The following EPG5 variants were observed in gnomAD, a reference collection of about 807,000 sequenced individuals.
EPG5 encodes ectopic P granules protein 5 homolog.
EPG5 carries 159 observed loss-of-function variants against 302.7 expected under a neutral mutation model. The ratio of observed to expected loss-of-function variants is 0.53; its 90% confidence interval spans 0.46 to 0.60. The LOEUF (loss-of-function observed/expected upper bound fraction) is 0.60. Ranked by LOEUF, EPG5 falls within the 20% of genes least tolerant of loss-of-function variation. The pLI, the probability that EPG5 is intolerant of heterozygous loss-of-function variation, is 0.00. For missense variants in EPG5, 2,896 were observed against 3,092.4 expected (o/e 0.94, Z 1.51); for synonymous variants, 1,158 against 1,136.8 (o/e 1.02, Z -0.37).
the EPG5 span, among the ~76,000 whole-genome samples, chr18:45,840,029 C>A: frequency 1.3e-5 from 2 of 152,180 alleles, no homozygotes; most frequent in African/African-American, 4.8e-5. Flanking sequence ...CAGTCCACCC[C>A]TCTCCTCACT....
chr18:45,865,895 G>T, intron 38 of EPG5, 136 bp from the exon 39 acceptor site: 1 of 1,013,480 alleles, frequency 9.9e-7, no homozygotes, highest in Non-Finnish European at 1.4e-6. Flanking sequence ...GCCACATGAA[G>T]ACTTAGTCCC....
intron 27 of EPG5, 63 bp downstream of exon 27, chr18:45,899,341 G>A: frequency 6.3e-7 from 1 of 1,581,228 alleles, no homozygotes; most frequent in Non-Finnish European, 8.7e-7. Flanking sequence ...CTTTCTCATT[G>A]ATAAGCCAAC....
In EPG5 at chr18:45,848,288, T is replaced by C. The variant is rs532600142; in HGVS notation, c.*4179A>G. On this transcript the variant is annotated 3_prime_UTR_variant, in exon 44 of 44. Transcript: ENST00000282041. ...AAAATGATCAGCTACTATCTCAAAA[T>C]GAGCTGTACAGTTGGCCCAAAATGA... 2 of 152,326 alleles carry C rather than the reference T, an allele frequency of 1.3e-5. No individual in the cohort carries two copies. Among genetic ancestry groups the C allele is most frequent in the East Asian group, 3.9e-4 (2 of 5,184 alleles). 9.4% of individuals were successfully genotyped at this position (152,326 alleles called of 1,614,324 possible). A position where few individuals can be genotyped will look rare whatever the true frequency, so the allele number is the denominator to read the frequency against.
At chr18:45,947,951 T>C (rs575994803) in intron 6 of EPG5, among the ~76,000 whole-genome samples, 2 of 152,172 alleles carry the variant, frequency 1.3e-5, no homozygotes, top group Admixed American at 6.5e-5. Flanking sequence ...ATTTTTGTAT[T>C]TTTAGTAGAG....
At chr18:45,910,483 GC>G in intron 23 of EPG5, 37 bp downstream of exon 23, 1 of 1,489,896 alleles carries the variant, frequency 6.7e-7, no homozygotes, top group African/African-American at 1.4e-5. Context: ...TACCTGTGCT[GC>G]AAACAACAAT....
intron 1 of EPG5, among the ~76,000 whole-genome samples, chr18:45,966,949 A>T (rs1233396406): frequency 3.3e-5 from 5 of 152,152 alleles, no homozygotes; most frequent in Non-Finnish European, 7.4e-5. Flanking sequence ...AAGTCACAGG[A>T]GGGAGAAGGA....
chr18:45,931,728 G>A (rs1485868478), intron 11 of EPG5, among the ~76,000 whole-genome samples: 4 of 152,004 alleles, frequency 2.6e-5, no homozygotes, highest in African/African-American at 4.8e-5. Context: ...CCAGCTACTC[G>A]GGAGACTGAC....
intron 26 of EPG5, among the ~76,000 whole-genome samples, chr18:45,900,083 C>T (rs907583335): frequency 1.1e-4 from 17 of 152,192 alleles, no homozygotes; most frequent in African/African-American, 4.1e-4. Context: ...GGACCAAAAA[C>T]AGACAAGGAA....
At chr18:45,884,583 T>C (rs1225110063) in intron 30 of EPG5, 34 bp downstream of exon 30, 1 of 1,541,936 alleles carries the variant, frequency 6.5e-7, no homozygotes, top group Admixed American at 2.2e-5. Context: ...TTCCTACGTT[T>C]CAACAATATG....
At chr18:45,887,514 G>C (rs1374502326) in intron 29 of EPG5, among the ~76,000 whole-genome samples, 2 of 152,164 alleles carry the variant, frequency 1.3e-5, no homozygotes, top group African/African-American at 4.8e-5. Flanking sequence ...TATATGACAA[G>C]TTCTGATGTC....
chr18:45,814,948 G>A, the EPG5 span, among the ~76,000 whole-genome samples: 1 of 152,196 alleles, frequency 6.6e-6, no homozygotes, highest in Non-Finnish European at 1.5e-5. Flanking sequence ...TTACATCAGA[G>A]GACAATGACC....
chr18:45,858,170 T>G, intron 41 of EPG5, 102 bp from the exon 42 acceptor site: 1 of 855,748 alleles, frequency 1.2e-6, no homozygotes, highest in East Asian at 2.6e-5. Flanking sequence ...AGACATTCAG[T>G]ACTTCAAAAG....
At chr18:45,937,422 T>C (rs1328264594) in intron 10 of EPG5, among the ~76,000 whole-genome samples, 1 of 151,434 alleles carries the variant, frequency 6.6e-6, no homozygotes, top group African/African-American at 2.4e-5. Context: ...ATATATATAT[T>C]TTGAGACAGA....
chr18:45,804,633 A>G, the EPG5 span, among the ~76,000 whole-genome samples: 5 of 152,228 alleles, frequency 3.3e-5, no homozygotes, highest in Admixed American at 6.5e-5. Context: ...ACTAAAAGCA[A>G]TATCTATCAA....
At chr18:45,908,305 G>A (rs1363133147) in intron 23 of EPG5, among the ~76,000 whole-genome samples, 1 of 152,030 alleles carries the variant, frequency 6.6e-6, no homozygotes, top group Non-Finnish European at 1.5e-5. Context: ...AAAACAAAAG[G>A]TATGAAGAAG....
the EPG5 span, chr18:45,842,480 C>T: frequency 1.1e-5 from 4 of 357,324 alleles, no homozygotes; most frequent in South Asian, 2.0e-4. Flanking sequence ...TTAGCTTGAG[C>T]GTGAAACTTC....
intron 13 of EPG5, among the ~76,000 whole-genome samples, chr18:45,927,031 TTTTC>T (rs1191566600): frequency 6.8e-6 from 1 of 147,328 alleles, no homozygotes; most frequent in Non-Finnish European, 1.5e-5. Flanking sequence ...AATGTTTTTC[TTTTC>T]TTTTTTTTTT....
chr18:45,944,189 G>C, intron 7 of EPG5, 70 bp from the exon 8 acceptor site: 1 of 942,510 alleles, frequency 1.1e-6, no homozygotes. Context: ...CGTTACAGGA[G>C]CTAAATTATC....
rs1172883917 is a variant in EPG5 at position 45,865,724 on chromosome 18, C to A, written c.6657G>T (p.Gln2219His). ...AVPKCQAFTH[Q>H]MVQFLSTLEQ... ...CCAGGGTGCTGAGGAATTGAACCAT[C>A]TGATGAGTAAAAGCTTGGCATTTTG... is the stretch of plus-strand genomic sequence containing the variant. Residue 2219 changes from glutamine to histidine, a missense_variant, in exon 39 of 44, where the codon CAG (glutamine) becomes CAT (histidine). Coordinates refer to ENST00000282041, the MANE Select transcript of EPG5 (RefSeq NM_020964.3). 6.2e-7 allele frequency: 1 copy of A among 1,609,490 alleles called. No individual in the cohort carries two copies. Among genetic ancestry groups the A allele is most frequent in the Non-Finnish European group, 8.5e-7 (1 of 1,179,174 alleles).
Sources: gnomAD v4.1 joint callset for allele counts (sites outside exome capture counted in the v4.1 genomes callset) on GRCh38, gnomAD v4.1.1 for gene constraint, MANE v1.5 for transcripts, NCBI Gene and HGNC (gene_info 2026-07-23, HGNC 2026-07-21) for gene names.